NKAIN2: variants seen among roughly 807,000 people sequenced by gnomAD.
The protein encoded by NKAIN2 is sodium/potassium transporting ATPase interacting 2, also known as sodium/potassium-transporting ATPase subunit beta-1-interacting protein 2.
In NKAIN2, 14 loss-of-function variants were observed where a neutral mutation model predicts 32.6. That is an observed-to-expected ratio of 0.43 (90% CI 0.28 to 0.67). The LOEUF (loss-of-function observed/expected upper bound fraction) is 0.67, where lower values mean the gene tolerates loss of function less well. Among genes scored for constraint, NKAIN2 ranks in the 30% least tolerant of loss-of-function variants. The pLI, the probability that NKAIN2 is intolerant of heterozygous loss-of-function variation, is 0.17. For synonymous variants in NKAIN2, 80 were observed against 87.2 expected, an observed-to-expected ratio of 0.92 and a Z score of 0.46; for missense variants, 198 against 258.3, an observed-to-expected ratio of 0.77 and a Z score of 1.60.
At chr6:124,611,799 A>G (rs754790661) in intron 3 of NKAIN2, among the ~76,000 whole-genome samples, 1 of 152,220 alleles carries the variant, frequency 6.6e-6, no homozygotes, top group Non-Finnish European at 1.5e-5. Context: ...AGTCTTTGCT[A>G]AGATCGCTTA....
At chr6:124,583,129 A>G (rs897313493) in intron 3 of NKAIN2, among the ~76,000 whole-genome samples, 1 of 151,930 alleles carries the variant, frequency 6.6e-6, no homozygotes, top group African/African-American at 2.4e-5. Context: ...GAGAAATCAG[A>G]CGAAAGAAAT....
chr6:124,271,304 C>T (rs897128135), intron 1 of NKAIN2, among the ~76,000 whole-genome samples: 1 of 152,146 alleles, frequency 6.6e-6, no homozygotes, highest in African/African-American at 2.4e-5. Context: ...GCAAGCTCCA[C>T]CTCCCGGGTT....
chr6:124,275,279 G>A lies in NKAIN2; in HGVS notation c.55-7726G>A, dbSNP rs184311130. ...AAATTAACTATTTGACTTCTATGGG[G>A]GCTTTTACATAAACTTACTGATTTA... On this transcript the variant is annotated intron_variant, in intron 1 of 6. Coordinates refer to ENST00000368417, the MANE Select transcript of NKAIN2 (RefSeq NM_001040214.3). Among the ~76,000 whole-genome samples, 181 of 152,020 alleles carry A rather than the reference G, an allele frequency of 1.2e-3. 1 individual carries two copies. The highest frequency in any genetic ancestry group is 4.2e-3 in the African/African-American group (176 of 41,478).
intron 3 of NKAIN2, among the ~76,000 whole-genome samples, chr6:124,509,891 T>G (rs1476517160): frequency 3.9e-5 from 6 of 152,216 alleles, no homozygotes; most frequent in Non-Finnish European, 2.9e-5. Context: ...AGTTTTATGC[T>G]TATTTCAAAA....
At chr6:124,432,662 C>T (rs1008977893) in intron 3 of NKAIN2, among the ~76,000 whole-genome samples, 1 of 151,774 alleles carries the variant, frequency 6.6e-6, no homozygotes, top group Admixed American at 6.6e-5. Context: ...AGTGAACCAC[C>T]ATATAGAGAA....
At position 124,314,384 on chromosome 6, in the gene NKAIN2, AAGATAAAAATGTTT is replaced by A. The variant is rs144438994; in HGVS notation, c.192+31246_192+31259del. 2.4e-3 allele frequency among the ~76,000 whole-genome samples: 359 copies of A among 152,250 alleles called. 2 individuals are homozygous for A. The highest frequency in any genetic ancestry group is 7.7e-3 in the African/African-American group (318 of 41,554). On this transcript the variant is annotated intron_variant, in intron 2 of 6. Transcript: ENST00000368417. The stretch of plus-strand genomic sequence containing the variant: ...TAAACATTACTCCTATAAGTTTTGC[AAGATAAAAATGTTT>A]AGACGTTTTCTTGGATTGGAAAATG...
rs1781266296 is a variant in NKAIN2, at chr6:124,818,467, A to G, written c.616A>G (p.Met206Val). The G allele has an allele frequency of 6.6e-7, 1 of 1,523,040 alleles. No homozygotes were observed. 94.3% of individuals were successfully genotyped at this position (1,523,040 alleles called of 1,614,324 possible). A position where few individuals can be genotyped will look rare whatever the true frequency, so the allele number is the denominator to read the frequency against. Residue 206 changes from methionine to valine, a missense_variant and splice_region_variant, in exon 6 of 7, where the codon ATG becomes GTG. Physicochemically the swap from Met to Val is conservative, Grantham distance 21. Coordinates refer to ENST00000368417, the MANE Select transcript of NKAIN2 (RefSeq NM_001040214.3). ...TSHLQLQPMY[M>V]SK ...TCATTTACAACTACAGCCTATGTAC[A>G]TGTAAGTATTTTACTTGGAAGGTAC...
At chr6:124,409,021 T>C (rs1270100435) in intron 3 of NKAIN2, among the ~76,000 whole-genome samples, 1 of 152,186 alleles carries the variant, frequency 6.6e-6, no homozygotes, top group African/African-American at 2.4e-5. Flanking sequence ...TAAGAATGCT[T>C]GTGATTTTTG....
intron 2 of NKAIN2, among the ~76,000 whole-genome samples, chr6:124,314,545 C>G (rs917079211): frequency 3.9e-5 from 6 of 152,108 alleles, no homozygotes; most frequent in Non-Finnish European, 5.9e-5. Context: ...GCAAATAAAG[C>G]CTGGGCTCCT....
chr6:124,760,609 G>C (rs566596276), intron 4 of NKAIN2, among the ~76,000 whole-genome samples: 1 of 151,994 alleles, frequency 6.6e-6, no homozygotes, highest in South Asian at 2.1e-4. Context: ...TTTTTTTGCT[G>C]TTTAGGAGTT....
intron 4 of NKAIN2, among the ~76,000 whole-genome samples, chr6:124,702,302 A>C (rs1055701783): frequency 2.0e-4 from 31 of 152,104 alleles, no homozygotes; most frequent in Non-Finnish European, 3.8e-4. Flanking sequence ...TAAATATGAA[A>C]CCTTGTAAAT....
Position 124,372,655 on chromosome 6 carries a change from T to G in NKAIN2, c.273+17308T>G, listed in dbSNP as rs116908748. Among the ~76,000 whole-genome samples, 1,273 of 152,338 alleles carry G rather than the reference T, an allele frequency of 8.4e-3. 5 individuals carry two copies. The highest frequency in any genetic ancestry group is 0.013 in the Non-Finnish European group (913 of 68,026). ...TACCATATATGGTGATTTTGCATAT[T>G]CAATGTTCCTGTATATTCCAAGTAT... On this transcript the variant is annotated intron_variant, in intron 3 of 6. Coordinates refer to ENST00000368417, the MANE Select transcript of NKAIN2 (RefSeq NM_001040214.3).
At chr6:124,753,598 A>G (rs1274566593) in intron 4 of NKAIN2, among the ~76,000 whole-genome samples, 1 of 152,128 alleles carries the variant, frequency 6.6e-6, no homozygotes, top group Non-Finnish European at 1.5e-5. Flanking sequence ...AATTCTTAAC[A>G]GATTGGCAGT....
intron 3 of NKAIN2, among the ~76,000 whole-genome samples, chr6:124,374,948 G>A (rs1256413395): frequency 6.6e-6 from 1 of 152,038 alleles, no homozygotes; most frequent in African/African-American, 2.4e-5. Flanking sequence ...TATCTCCTCA[G>A]CTCATTCTCT....
rs569704117 is a variant in NKAIN2, at chr6:124,655,574, C to T, written c.274-2612C>T. On this transcript the variant is annotated intron_variant, in intron 3 of 6. Coordinates refer to ENST00000368417, the MANE Select transcript of NKAIN2 (RefSeq NM_001040214.3). Reference sequence around the variant, plus strand: ...TGGTGTGCTTGGGACTAAGGGGCTTCCAAGGACAAGGGACTTTCATTGCAA... The same window carrying T: ...TGGTGTGCTTGGGACTAAGGGGCTTTCAAGGACAAGGGACTTTCATTGCAA... Among the ~76,000 whole-genome samples the T allele has an allele frequency of 2.0e-5, 3 of 152,028 alleles. No homozygotes were observed. In the South Asian group the frequency reaches 6.2e-4, roughly 31 times the overall value.
chr6:124,630,827 G>A (rs540416696), intron 3 of NKAIN2, among the ~76,000 whole-genome samples: 10 of 152,238 alleles, frequency 6.6e-5, no homozygotes, highest in Admixed American at 2.0e-4. Context: ...AAGTAACAAT[G>A]TAGCACCAGG....
At chr6:124,531,144 A>C (rs568371727) in intron 3 of NKAIN2, among the ~76,000 whole-genome samples, 6 of 152,342 alleles carry the variant, frequency 3.9e-5, no homozygotes, top group African/African-American at 1.4e-4. Flanking sequence ...GAGGAACCTC[A>C]TTAGAACCTG....
At chr6:124,719,238 G>A (rs1775904195) in intron 4 of NKAIN2, among the ~76,000 whole-genome samples, 1 of 152,068 alleles carries the variant, frequency 6.6e-6, no homozygotes, top group African/African-American at 2.4e-5. Flanking sequence ...CCATAAAATT[G>A]GGATTTACTG....
chr6:123,854,073 G>A (rs1562220827), intron 1 of NKAIN2, among the ~76,000 whole-genome samples: 1 of 152,036 alleles, frequency 6.6e-6, no homozygotes, highest in African/African-American at 2.4e-5. Context: ...ACACCCGCCC[G>A]ATAAATTTTC....
Sources: allele counts gnomAD v4.1 joint callset (sites outside exome capture counted in the v4.1 genomes callset), GRCh38; gene constraint gnomAD v4.1.1; transcripts MANE v1.5; gene names NCBI Gene and HGNC (gene_info 2026-07-23, HGNC 2026-07-21).